Variants in TOP3B observed in about 807,000 individuals in gnomAD.
TOP3B encodes the protein DNA topoisomerase III beta, also known as DNA topoisomerase 3-beta-1.
In TOP3B, 45 loss-of-function variants were observed where a neutral mutation model predicts 93.9. The observed-to-expected ratio is 0.48, with a 90% CI of 0.38 to 0.61. The LOEUF (loss-of-function observed/expected upper bound fraction) is 0.61. TOP3B is among the 20% of genes least tolerant of loss of function. The pLI, the probability that TOP3B is intolerant of heterozygous loss-of-function variation, is 0.00. For missense variants in TOP3B, 750 were observed against 1,156.1 expected (o/e 0.65, Z 5.09); for synonymous variants, 357 against 472.6 (o/e 0.76, Z 3.17).
At position 21,975,620 on chromosome 22, in the gene TOP3B, G is replaced by C. The variant is rs1240181342; in HGVS notation, c.70+20C>G. ...TAAACGACCGTGCTTACAGACCAAA[G>C]CAGGGCTGGTCTCTCCTACCTCTAG... On this transcript the variant is annotated intron_variant, in intron 2 of 17. Coordinates refer to ENST00000357179, the MANE Select transcript of TOP3B (RefSeq NM_001282112.2). 1 of 1,600,136 alleles carries C rather than the reference G, an allele frequency of 6.2e-7. No homozygotes were observed. Among genetic ancestry groups the C allele is most frequent in the Admixed American group, 1.7e-5 (1 of 59,358 alleles).
intron 1 of TOP3B, 54 bp from the exon 2 acceptor site, chr22:21,975,861 CACT>C: frequency 7.8e-6 from 9 of 1,155,452 alleles, no homozygotes; most frequent in Non-Finnish European, 9.9e-6. Flanking sequence ...GAACCTACAC[CACT>C]ACAAGGAAAA....
intron 10 of TOP3B, 65 bp from the exon 11 acceptor site, chr22:21,964,093 C>T (rs1014552271): frequency 3.9e-5 from 63 of 1,605,116 alleles, no homozygotes; most frequent in African/African-American, 3.9e-4. Flanking sequence ...GTTTGGCTGA[C>T]GTACCAGACC....
intron 4 of TOP3B, 164 bp downstream of exon 4, chr22:21,972,448 G>A (rs1035850605): frequency 6.9e-6 from 4 of 579,986 alleles, no homozygotes; most frequent in Non-Finnish European, 1.2e-5. Flanking sequence ...TGTTGGGGGT[G>A]CCTGCAGGTG....
chr22:21,977,707 A>C (rs1449499546), intron 1 of TOP3B: 1 of 152,128 alleles, frequency 6.6e-6, no homozygotes, highest in Non-Finnish European at 1.5e-5. Flanking sequence ...GGGGAAGTTA[A>C]ATGGGAACAA....
At position 21,970,258 on chromosome 22, in the gene TOP3B, A is replaced by G; in HGVS notation, c.533T>C (p.Val178Ala). ...GEPDHNEALS[V>A]DARQELDLRI... is the part of the protein sequence containing the mutation. Reference sequence around the variant, plus strand: ...CAGGTCCAGCTCCTGGCGAGCATCCACTGAGAGCGCCTCGTTGTGGTCAGG... The same window carrying G: ...CAGGTCCAGCTCCTGGCGAGCATCCGCTGAGAGCGCCTCGTTGTGGTCAGG... The change falls in exon 6 of 18, where the codon GTG (valine) becomes GCG (alanine). Residue 178 changes from valine to alanine, a missense_variant. Coordinates refer to ENST00000357179, the MANE Select transcript of TOP3B (RefSeq NM_001282112.2). The surrounding 1 kb of genome is among the most constrained non-coding windows in gnomAD (Gnocchi z 4.4). The G allele has an allele frequency of 6.2e-7, 1 of 1,613,858 alleles. No homozygotes were observed. The highest frequency in any genetic ancestry group is 8.5e-7 in the Non-Finnish European group (1 of 1,180,022).
chr22:21,968,070 C>T (rs2071485797), intron 7 of TOP3B: 4 of 314,884 alleles, frequency 1.3e-5, no homozygotes, highest in Non-Finnish European at 2.4e-5. Context: ...CCGTGTCAGC[C>T]ACAGCAGCTC....
intron 8 of TOP3B, 50 bp downstream of exon 8, chr22:21,967,553 G>T: frequency 6.7e-7 from 1 of 1,490,024 alleles, no homozygotes. Context: ...GCATCCAAGG[G>T]CCACCCTCAC....
rs1177095502 is a variant in TOP3B, at chr22:21,960,467, C to T, written c.1526-18G>A. 6.2e-7 allele frequency: 1 copy of T among 1,612,698 alleles called. No individual in the cohort carries two copies. Among genetic ancestry groups the T allele is most frequent in the African/African-American group, 1.3e-5 (1 of 74,858 alleles). On this transcript the variant is annotated intron_variant, in intron 13 of 17. Transcript: ENST00000357179. ...ATCCGTGCCTGCAATGTACAAGGCC[C>T]CAGGGTTCCTGGCCTGCCTTGGACA...
At position 21,960,677 on chromosome 22, in the gene TOP3B, GC is replaced by G. The variant is rs573955625; in HGVS notation, c.1526-229del. On this transcript the variant is annotated intron_variant, in intron 13 of 17. Coordinates refer to ENST00000357179, the MANE Select transcript of TOP3B (RefSeq NM_001282112.2). The stretch of plus-strand genomic sequence containing the variant: ...AAGGGCAGCCCTCCCTGTACAGGGC[GC>G]CTACTCCTGCTTTATGGCAGAGACA... The G allele has an allele frequency of 2.8e-5, 16 of 565,692 alleles. 1 individual carries two copies. The South Asian group carries it at 3.4e-4, about 12-fold the overall frequency. The allele number at this position is 565,692 out of a possible 1,614,324, so 35.0% of individuals were successfully genotyped here.
At chr22:21,958,913 T>C (rs1246745945) in intron 16 of TOP3B, 1 of 1,041,282 alleles carries the variant, frequency 9.6e-7, no homozygotes, top group Non-Finnish European at 1.4e-6. Context: ...GCAAGTGGCA[T>C]GGTGTTAGGG....
intron 4 of TOP3B, 133 bp from the exon 5 acceptor site, chr22:21,972,084 G>C (rs1209552680): frequency 2.9e-6 from 2 of 682,782 alleles, no homozygotes; most frequent in African/African-American, 1.8e-5. Flanking sequence ...ACCTGGGCTG[G>C]GTAAGGAGCT....
intron 3 of TOP3B, 57 bp downstream of exon 3, chr22:21,974,300 C>T (rs2071766780): frequency 1.3e-6 from 2 of 1,572,942 alleles, no homozygotes; most frequent in Non-Finnish European, 8.7e-7. Context: ...TTCAACTGGA[C>T]CCTGGCCAGT....
rs1379986524 is a variant in TOP3B, at chr22:21,963,663, A to C, written c.1204+260T>G. On this transcript the variant is annotated intron_variant, in intron 11 of 17. Transcript: ENST00000357179. The surrounding 1 kb of genome is among the most constrained non-coding windows in gnomAD (Gnocchi z 4.8). Reference sequence around the variant, plus strand: ...GTGCTGCCCCCTCCCCCACACCGCCACTCTCTACCCTGGTTTCATTCATGT... The same window carrying C: ...GTGCTGCCCCCTCCCCCACACCGCCCCTCTCTACCCTGGTTTCATTCATGT... 6.2e-6 allele frequency: 3 copies of C among 484,178 alleles called. No individual in the cohort carries two copies. The East Asian group carries it at 1.1e-4, about 18-fold the overall frequency. 30.0% of individuals were successfully genotyped at this position (484,178 alleles called of 1,614,324 possible).
chr22:21,981,353 ATCCTG>A (rs908843131), intron 1 of TOP3B, among the ~76,000 whole-genome samples: 2 of 152,106 alleles, frequency 1.3e-5, no homozygotes, highest in African/African-American at 4.8e-5. Context: ...CCCAAGCCTG[ATCCTG>A]TCCTGCCTCT....
intron 1 of TOP3B, among the ~76,000 whole-genome samples, chr22:21,979,042 G>C (rs992981359): frequency 2.0e-5 from 3 of 152,152 alleles, no homozygotes. Context: ...TGGAGGAGGA[G>C]GCATGGTACG....
chr22:21,974,651 G>A (rs2071786672), intron 2 of TOP3B, 163 bp from the exon 3 acceptor site: 1 of 720,328 alleles, frequency 1.4e-6, no homozygotes. Flanking sequence ...GGCACTGAGA[G>A]GTGGGACGGC....
At chr22:21,959,835 C>T in intron 14 of TOP3B, 99 bp from the exon 15 acceptor site, 1 of 1,507,928 alleles carries the variant, frequency 6.6e-7, no homozygotes, top group South Asian at 1.3e-5. Flanking sequence ...ACCCCTCCCG[C>T]TCTGGCCCGT....
In TOP3B at chr22:21,960,687, G is replaced by A. The variant is rs905466721; in HGVS notation, c.1526-238C>T. On this transcript the variant is annotated intron_variant, in intron 13 of 17. Transcript: ENST00000357179. The stretch of plus-strand genomic sequence containing the variant: ...CTCCCTGTACAGGGCGCCTACTCCT[G>A]CTTTATGGCAGAGACAACAGGCTCG... The A allele has an allele frequency of 1.3e-5, 7 of 540,210 alleles. No individual in the cohort carries two copies. In the Admixed American group the frequency reaches 2.2e-4, roughly 17 times the overall value. The allele number at this position is 540,210 out of a possible 1,614,324, so 33.5% of individuals were successfully genotyped here. A position where few individuals can be genotyped will look rare whatever the true frequency, so the allele number is the denominator to read the frequency against.
intron 14 of TOP3B, 29 bp downstream of exon 14, chr22:21,960,292 G>A: frequency 1.2e-6 from 2 of 1,612,544 alleles, no homozygotes; most frequent in South Asian, 2.2e-5. Context: ...AGCCTCGGTG[G>A]GCCCTGGGGG....
Sources: gnomAD v4.1 joint callset for allele counts (sites outside exome capture counted in the v4.1 genomes callset) on GRCh38, gnomAD v4.1.1 for gene constraint, Gnocchi (gnomAD v3.1) non-coding constraint, MANE v1.5 for transcripts, NCBI Gene and HGNC (gene_info 2026-07-23, HGNC 2026-07-21) for gene names.